ROR2: variants seen among roughly 807,000 people sequenced by gnomAD.
ROR2 encodes tyrosine-protein kinase transmembrane receptor ROR2.
Under a neutral mutation model 74.9 loss-of-function variants are expected in ROR2, and 33 were observed. That is an observed-to-expected ratio of 0.44 (90% confidence interval 0.33 to 0.59). ROR2 has a LOEUF of 0.59. Among genes scored for constraint, ROR2 ranks in the 20% least tolerant of loss-of-function variants. ROR2 has a pLI of 0.02. For synonymous variants in ROR2, 586 were observed against 558.7 expected, an observed-to-expected ratio of 1.05 and a Z score of -0.69; for missense variants, 1,216 against 1,313.8, an observed-to-expected ratio of 0.93 and a Z score of 1.15.
intron 4 of ROR2, among the ~76,000 whole-genome samples, chr9:91,750,934 C>T (rs912488050): frequency 1.3e-5 from 2 of 152,132 alleles, no homozygotes; most frequent in African/African-American, 4.8e-5. Flanking sequence ...CTATTTGACA[C>T]CTAAGATGCT....
chr9:91,838,451 CT>C (rs1828680049), intron 1 of ROR2, among the ~76,000 whole-genome samples: 1 of 152,228 alleles, frequency 6.6e-6, no homozygotes, highest in South Asian at 2.1e-4. Flanking sequence ...CATGCCACGC[CT>C]GGTCACAGCC....
intron 1 of ROR2, among the ~76,000 whole-genome samples, chr9:91,861,425 G>A (rs1829465484): frequency 6.6e-6 from 1 of 152,222 alleles, no homozygotes; most frequent in African/African-American, 2.4e-5. Flanking sequence ...ATCTACAGAT[G>A]AGTGGAATGG....
At chr9:91,756,290 T>G (rs1217871410) in intron 3 of ROR2, among the ~76,000 whole-genome samples, 189 bp from the exon 4 acceptor site, 1 of 152,218 alleles carries the variant, frequency 6.6e-6, no homozygotes, top group East Asian at 1.9e-4. Flanking sequence ...GAAGGGGTGC[T>G]TTGTCACTGA....
chr9:91,864,778 C>T (rs1301821352), intron 1 of ROR2, among the ~76,000 whole-genome samples: 3 of 152,170 alleles, frequency 2.0e-5, no homozygotes, highest in Non-Finnish European at 4.4e-5. Context: ...TAACTTTCAC[C>T]ATAACTTGAG....
In ROR2 at chr9:91,905,450, C is replaced by A. The variant is rs1297101695; in HGVS notation, c.97+44417G>T. On this transcript the variant is annotated intron_variant, in intron 1 of 8. Coordinates refer to ENST00000375708, the MANE Select transcript of ROR2 (RefSeq NM_004560.4). This position sits in a 1 kb window ranked among gnomAD's most constrained non-coding sequence, Gnocchi z 5.3. ...ACACAAAGATGACAACACAACCCAA[C>A]ACACAACACATACCACACACAACAA... is the stretch of plus-strand genomic sequence containing the variant. Among the ~76,000 whole-genome samples, 1 of 151,922 alleles carries A rather than the reference C, an allele frequency of 6.6e-6. No homozygotes were observed. Among genetic ancestry groups the A allele is most frequent in the Non-Finnish European group, 1.5e-5 (1 of 67,974 alleles).
At chr9:91,752,764 T>A (rs946246452) in intron 4 of ROR2, among the ~76,000 whole-genome samples, 1 of 152,228 alleles carries the variant, frequency 6.6e-6, no homozygotes, top group Admixed American at 6.5e-5. Context: ...CATAAACAGA[T>A]ACTGAACTCT....
intron 1 of ROR2, among the ~76,000 whole-genome samples, chr9:91,834,924 C>A (rs1044173229): frequency 3.9e-5 from 6 of 152,086 alleles, no homozygotes; most frequent in African/African-American, 1.4e-4. Context: ...CTTGACCAAG[C>A]ACTCTGCCAG....
chr9:91,808,446 A>G (rs113821223), intron 1 of ROR2, among the ~76,000 whole-genome samples: 3,363 of 152,190 alleles, frequency 0.022, 117 homozygotes, highest in African/African-American at 0.075. Flanking sequence ...CCTGGCCAAC[A>G]TGGTGAAAGC....
chr9:91,755,377 A>G (rs1257509806), intron 4 of ROR2, among the ~76,000 whole-genome samples: 1 of 152,182 alleles, frequency 6.6e-6, no homozygotes, highest in Non-Finnish European at 1.5e-5. Context: ...CTGCTCTCCA[A>G]TATGTCTGAG....
intron 7 of ROR2, 121 bp from the exon 8 acceptor site, chr9:91,726,864 G>A (rs1837059542): frequency 1.3e-5 from 12 of 894,650 alleles, no homozygotes; most frequent in Non-Finnish European, 2.2e-5. Context: ...CATCACCTAA[G>A]TTACACAATG....
Position 91,947,756 on chromosome 9 carries a change from T to TTA in ROR2, c.97+2109_97+2110dup, listed in dbSNP as rs200364196. Among the ~76,000 whole-genome samples, 346 of 152,280 alleles carry TTA rather than the reference T, an allele frequency of 2.3e-3. 5 individuals are homozygous for TTA. The highest frequency in any genetic ancestry group is 0.015 in the Admixed American group (223 of 15,288). Reference sequence around the variant, plus strand: ...GTGGAATAAGAACTTACAAATCCTTTTAGAAAAACCCCTAAATAGTTTTAC... The same window carrying TTA: ...GTGGAATAAGAACTTACAAATCCTTTTATAGAAAAACCCCTAAATAGTTTTAC... On this transcript the variant is annotated intron_variant, in intron 1 of 8. Transcript: ENST00000375708.
chr9:91,895,705 T>C (rs1173205977), intron 1 of ROR2, among the ~76,000 whole-genome samples: 1 of 152,096 alleles, frequency 6.6e-6, no homozygotes, highest in Non-Finnish European at 1.5e-5. Context: ...TAGGCGGGCA[T>C]GATGGCAGAT....
chr9:91,789,373 TAAAA>T (rs1233688318), intron 1 of ROR2, among the ~76,000 whole-genome samples: 2 of 152,122 alleles, frequency 1.3e-5, no homozygotes, highest in Admixed American at 6.5e-5. Context: ...AAGAGATAAA[TAAAA>T]GAGTACTAGT....
intron 1 of ROR2, among the ~76,000 whole-genome samples, chr9:91,792,560 G>A (rs1005358303): frequency 6.6e-5 from 10 of 152,098 alleles, no homozygotes; most frequent in African/African-American, 2.4e-4. Context: ...CGCCCACCTT[G>A]GCCTCCCAAA....
intron 2 of ROR2, among the ~76,000 whole-genome samples, 158 bp downstream of exon 2, chr9:91,775,583 A>C (rs747163353): frequency 5.1e-4 from 77 of 152,138 alleles, no homozygotes; most frequent in Non-Finnish European, 9.0e-4. Context: ...AAGTCAAGAA[A>C]CACAGGAATC....
chr9:91,881,699 A>G (rs1462766327), intron 1 of ROR2, among the ~76,000 whole-genome samples: 1 of 152,170 alleles, frequency 6.6e-6, no homozygotes, highest in Non-Finnish European at 1.5e-5. Flanking sequence ...GAGGACGAGC[A>G]CTCCTGAGCT....
In ROR2 at chr9:91,839,251, GGTGTGTGTGTGT is replaced by G. The variant is rs56134220; in HGVS notation, c.98-63445_98-63434del. Among the ~76,000 whole-genome samples, 48 of 107,798 alleles carry G rather than the reference GGTGTGTGTGTGT, an allele frequency of 4.5e-4. 2 individuals carry two copies. The highest frequency in any genetic ancestry group is 4.6e-3 in the Middle Eastern group (1 of 218). 70.7% of individuals were successfully genotyped at this position (107,798 alleles called of 152,430 possible). On this transcript the variant is annotated intron_variant, in intron 1 of 8. Coordinates refer to ENST00000375708, the MANE Select transcript of ROR2 (RefSeq NM_004560.4). ...TGATTCCTGGTGCTGTCAGATCGGG[GGTGTGTGTGTGT>G]GTGTGTGTGTGTGTGTGTGTGTGTG... is the stretch of plus-strand genomic sequence containing the variant.
rs374784775 is a variant in ROR2, at chr9:91,848,070, C to T, written c.98-72252G>A. 4.6e-5 allele frequency among the ~76,000 whole-genome samples: 7 copies of T among 152,296 alleles called. 1 individual carries two copies. Among genetic ancestry groups the T allele is most frequent in the East Asian group, 1.9e-4 (1 of 5,182 alleles). ...CCTGGGGCACAAAACCAAGGATACT[C>T]GAGTCTTCTCTCACCATGGAAATGG... On this transcript the variant is annotated intron_variant, in intron 1 of 8. Coordinates refer to ENST00000375708, the MANE Select transcript of ROR2 (RefSeq NM_004560.4).
At chr9:91,803,822 C>A (rs1261597183) in intron 1 of ROR2, among the ~76,000 whole-genome samples, 1 of 152,200 alleles carries the variant, frequency 6.6e-6, no homozygotes, top group Admixed American at 6.5e-5. Flanking sequence ...TTTCCAGGGA[C>A]CTTCAGTCAT....
Sources: allele counts gnomAD v4.1 joint callset (sites outside exome capture counted in the v4.1 genomes callset), GRCh38; gene constraint gnomAD v4.1.1; non-coding constraint Gnocchi (gnomAD v3.1); transcripts MANE v1.5; gene names NCBI Gene and HGNC (gene_info 2026-07-23, HGNC 2026-07-21).